The following COMMD1 variants were observed in gnomAD, a reference collection of about 807,000 sequenced individuals.
The protein encoded by COMMD1 is COMM domain-containing protein 1.
Under a neutral mutation model 17.2 loss-of-function variants are expected in COMMD1, and 10 were observed. The ratio of observed to expected loss-of-function variants is 0.58; its 90% CI spans 0.36 to 0.99. COMMD1 has a LOEUF of 0.99. Among genes scored for constraint, COMMD1 ranks in the 50% least tolerant of loss-of-function variants. The pLI is 0.01. For missense variants in COMMD1, 270 were observed against 231.8 expected (o/e 1.17, Z -1.07); for synonymous variants, 97 against 91.6 (o/e 1.06, Z -0.34).
intron 2 of COMMD1, among the ~76,000 whole-genome samples, chr2:62,025,143 C>T (rs1158583717): frequency 6.6e-6 from 1 of 151,996 alleles, no homozygotes; most frequent in Admixed American, 6.6e-5. Context: ...TCGCTTCAAC[C>T]CGGGAGGTGG....
intron 2 of COMMD1, among the ~76,000 whole-genome samples, chr2:62,059,289 G>A (rs1280781917): frequency 6.6e-6 from 1 of 151,792 alleles, no homozygotes; most frequent in East Asian, 1.9e-4. Flanking sequence ...CTAGTAGCTG[G>A]GACCACAAGT....
intron 2 of COMMD1, among the ~76,000 whole-genome samples, chr2:62,063,868 A>AATACATATATAT (rs1553385536): frequency 6.2e-5 from 5 of 81,174 alleles, no homozygotes; most frequent in Admixed American, 2.7e-4. Flanking sequence ...GTCTCTACAA[A>AATACATATATAT]ATATATATAT....
rs556112299 is a variant in COMMD1, at chr2:61,888,754, A to T, written n.31A>T. On this transcript the variant is annotated non_coding_transcript_exon_variant, in exon 1 of 3. Transcript: ENST00000472729. ...GTGCGGTGGGCTCCGGGCTGGCGAG[A>T]TTGTACGCCCGGGGCGCTGTGGGTG... The T allele has an allele frequency of 1.1e-3, 587 of 526,142 alleles. 1 individual carries two copies. The highest frequency in any genetic ancestry group is 8.0e-3 in the Middle Eastern group (16 of 1,992). 32.6% of individuals were successfully genotyped at this position (526,142 alleles called of 1,614,324 possible).
chr2:62,055,412 A>T (rs1282065024), intron 2 of COMMD1: 7 of 455,896 alleles, frequency 1.5e-5, no homozygotes, highest in Non-Finnish European at 2.6e-5. Flanking sequence ...TTGAAAAGAA[A>T]ATACCAAGAG....
chr2:61,895,042 G>A (rs1669525403), intron 1 of COMMD1, among the ~76,000 whole-genome samples: 1 of 152,160 alleles, frequency 6.6e-6, no homozygotes, highest in Non-Finnish European at 1.5e-5. Context: ...TCAGTAAAAT[G>A]TAGAATGTGA....
chr2:61,969,063 A>T (rs1034948231), intron 1 of COMMD1: 1 of 440,490 alleles, frequency 2.3e-6, no homozygotes, highest in African/African-American at 2.0e-5. Flanking sequence ...GGCTCAAGTG[A>T]TTCTCCTGCC....
chr2:62,085,838 G>A lies in COMMD1; in HGVS notation c.463-49993G>A, dbSNP rs1261987500. On this transcript the variant is annotated intron_variant, in intron 2 of 2. Coordinates refer to ENST00000311832, the MANE Select transcript of COMMD1 (RefSeq NM_152516.4). ...ACTAAAAAAATACAAAAAATTAGCG[G>A]GGCATGGTGGCGGGCGCCTGTCCCA... Among the ~76,000 whole-genome samples the A allele has an allele frequency of 3.3e-5, 5 of 151,866 alleles. No individual in the cohort carries two copies. The East Asian group carries it at 9.8e-4, about 30-fold the overall frequency.
intron 2 of COMMD1, among the ~76,000 whole-genome samples, chr2:62,073,220 T>C (rs1227735525): frequency 6.6e-6 from 1 of 152,234 alleles, no homozygotes; most frequent in Admixed American, 6.5e-5. Context: ...GAAATTTGCA[T>C]TTGTAGAGAA....
At chr2:62,110,117 C>G (rs1334770663) in intron 2 of COMMD1, among the ~76,000 whole-genome samples, 1 of 151,854 alleles carries the variant, frequency 6.6e-6, no homozygotes, top group Non-Finnish European at 1.5e-5. Context: ...GGTCTCTTGC[C>G]CAGGCTGAGT....
intron 2 of COMMD1, among the ~76,000 whole-genome samples, chr2:62,090,067 T>G (rs1671784048): frequency 6.6e-6 from 1 of 152,128 alleles, no homozygotes. Flanking sequence ...AGGGGTGAGA[T>G]GGAGTCAGGC....
chr2:61,973,127 A>G (rs1355788181), intron 1 of COMMD1, among the ~76,000 whole-genome samples: 1 of 152,098 alleles, frequency 6.6e-6, no homozygotes, highest in African/African-American at 2.4e-5. Context: ...ATTCTAGTCC[A>G]TTGTTTGGCT....
intron 1 of COMMD1, among the ~76,000 whole-genome samples, chr2:61,913,910 G>T (rs539928957): frequency 1.4e-4 from 21 of 151,818 alleles, no homozygotes; most frequent in African/African-American, 5.1e-4. Flanking sequence ...GGTGGCTCAC[G>T]CCTGTAATCC....
intron 2 of COMMD1, among the ~76,000 whole-genome samples, chr2:62,123,011 G>C (rs1046887240): frequency 1.3e-5 from 2 of 152,156 alleles, no homozygotes; most frequent in Non-Finnish European, 2.9e-5. Flanking sequence ...TGCCCCCTTT[G>C]TAAGGTTCCC....
chr2:62,133,941 A>C (rs1329579330), intron 2 of COMMD1, among the ~76,000 whole-genome samples: 1 of 152,064 alleles, frequency 6.6e-6, no homozygotes, highest in Non-Finnish European at 1.5e-5. Context: ...ACAGGTGCGC[A>C]CCACCATGTC....
At chr2:61,992,332 A>T (rs1364477257) in intron 1 of COMMD1, among the ~76,000 whole-genome samples, 1 of 152,170 alleles carries the variant, frequency 6.6e-6, no homozygotes, top group Non-Finnish European at 1.5e-5. Flanking sequence ...ACCGTGAAAA[A>T]ATACTTTTTT....
chr2:62,007,870 G>A (rs994368079), intron 2 of COMMD1, among the ~76,000 whole-genome samples: 1 of 152,116 alleles, frequency 6.6e-6, no homozygotes, highest in Non-Finnish European at 1.5e-5. Context: ...GTAAGAATCT[G>A]CTAAAACATA....
At chr2:62,064,554 T>G (rs1670972401) in intron 2 of COMMD1, among the ~76,000 whole-genome samples, 1 of 152,144 alleles carries the variant, frequency 6.6e-6, no homozygotes, top group African/African-American at 2.4e-5. Context: ...CTAAGTAGAT[T>G]TTTGACTTGT....
chr2:61,968,452 C>T (rs951114124), intron 1 of COMMD1, among the ~76,000 whole-genome samples: 1 of 152,012 alleles, frequency 6.6e-6, no homozygotes, highest in Non-Finnish European at 1.5e-5. Flanking sequence ...ATTAATTGTA[C>T]AGTAAATCAC....
chr2:62,123,394 A>C (rs1285263693), intron 2 of COMMD1, among the ~76,000 whole-genome samples: 1 of 151,384 alleles, frequency 6.6e-6, no homozygotes, highest in Non-Finnish European at 1.5e-5. Flanking sequence ...AGTACCAGCT[A>C]CTTGGGAGGC....
Sources: gnomAD v4.1 joint callset for allele counts (sites outside exome capture counted in the v4.1 genomes callset) on GRCh38, gnomAD v4.1.1 for gene constraint, MANE v1.5 for transcripts, NCBI Gene and HGNC (gene_info 2026-07-23, HGNC 2026-07-21) for gene names.